KALRN: variants seen among roughly 807,000 people sequenced by gnomAD.
The protein encoded by KALRN is kalirin RhoGEF kinase.
Under a neutral mutation model 353.7 loss-of-function variants are expected in KALRN, and 70 were observed. That is an observed-to-expected ratio of 0.20 (90% CI 0.16 to 0.24). The LOEUF (loss-of-function observed/expected upper bound fraction) is 0.24, where lower values mean the gene tolerates loss of function less well. KALRN is among the 10% of genes least tolerant of loss of function. The probability of loss-of-function intolerance (pLI) is 1.00; values close to 1 mark genes in which losing one functional copy is unlikely to be tolerated. For synonymous variants in KALRN, 1,391 were observed against 1,434.8 expected (o/e 0.97, Z 0.69); for missense variants, 2,791 against 3,756.7 (o/e 0.74, Z 6.72).
rs2063377814 is a variant in KALRN at position 124,722,966 on chromosome 3, T to A, written c.*3496T>A. ...TAACTTTTAAGAAGTATTAATATAA[T>A]GATTTCCTACATCTTTTACATTTGT... On this transcript the variant is annotated 3_prime_UTR_variant, in exon 60 of 60. Transcript: ENST00000682506. 1 of 152,230 alleles carries A rather than the reference T, an allele frequency of 6.6e-6. No individual in the cohort carries two copies. Among genetic ancestry groups the A allele is most frequent in the Non-Finnish European group, 1.5e-5 (1 of 68,046 alleles). 9.4% of individuals were successfully genotyped at this position (152,230 alleles called of 1,614,324 possible). A position where few individuals can be genotyped will look rare whatever the true frequency, so the allele number is the denominator to read the frequency against.
intron 34 of KALRN, among the ~76,000 whole-genome samples, chr3:124,591,491 T>C (rs67474118): frequency 0.15 from 23,400 of 152,172 alleles, 1,939 homozygotes; most frequent in Middle Eastern, 0.19. Flanking sequence ...CTTTGAACAT[T>C]GCTTTTTGTG....
At chr3:124,715,502 G>C (rs2063095962) in intron 58 of KALRN, among the ~76,000 whole-genome samples, 1 of 152,200 alleles carries the variant, frequency 6.6e-6, no homozygotes, top group Non-Finnish European at 1.5e-5. Context: ...ATGACTCCAA[G>C]AAGTTCAGGG....
chr3:124,281,005 C>G (rs187791060), intron 5 of KALRN, among the ~76,000 whole-genome samples: 67 of 152,134 alleles, frequency 4.4e-4, no homozygotes, highest in Non-Finnish European at 7.9e-4. Context: ...ACATGTATAC[C>G]TATGTATCAA....
intron 1 of KALRN, among the ~76,000 whole-genome samples, chr3:124,075,870 A>T (rs780236635): frequency 2.0e-5 from 3 of 152,164 alleles, no homozygotes; most frequent in African/African-American, 4.8e-5. Context: ...GCAGATGCGG[A>T]GCTGAGCATG....
chr3:124,569,524 T>C (rs888234814), intron 34 of KALRN, among the ~76,000 whole-genome samples: 4 of 152,190 alleles, frequency 2.6e-5, no homozygotes, highest in Admixed American at 6.5e-5. Flanking sequence ...ATTTTCCTCA[T>C]CTTACAGATA....
intron 10 of KALRN, among the ~76,000 whole-genome samples, chr3:124,378,560 T>C (rs2086891050): frequency 6.6e-6 from 1 of 152,168 alleles, no homozygotes; most frequent in Non-Finnish European, 1.5e-5. Flanking sequence ...AGGACTTCTT[T>C]TAACATTTCT....
intron 3 of KALRN, among the ~76,000 whole-genome samples, chr3:124,253,900 G>A (rs2071527591): frequency 1.3e-5 from 2 of 152,190 alleles, no homozygotes; most frequent in Non-Finnish European, 2.9e-5. Flanking sequence ...CTGGAGTGGT[G>A]CTTGTTATGG....
chr3:124,412,586 G>T (rs187109647), intron 13 of KALRN, among the ~76,000 whole-genome samples: 1 of 152,186 alleles, frequency 6.6e-6, no homozygotes, highest in Admixed American at 6.5e-5. Flanking sequence ...GGAAGTGTAG[G>T]ATTTAGTCTC....
Position 124,632,436 on chromosome 3 carries a change from C to G in KALRN, c.5199C>G (p.Ser1733=), listed in dbSNP as rs763600599. The G allele has an allele frequency of 3.7e-6, 6 of 1,613,918 alleles. No homozygotes were observed. In the East Asian group the frequency reaches 1.3e-4, roughly 36 times the overall value. The change falls in exon 35 of 60, where the codon TCC becomes TCG. Residue 1733 remains serine (S), a synonymous_variant. Transcript: ENST00000682506. ...FPLVKDAYSH[S]SSENGGKSES... ...TTTCCTCAGATGCATACTCTCATTC[C>G]TCAAGCGAGAATGGAGGCAAGTCCG...
rs1003462469 is a variant in KALRN at position 124,286,564 on chromosome 3, T to C, written c.970-12227T>C. The stretch of plus-strand genomic sequence containing the variant: ...CTGCACCCTGCCCAGTGTGCTGTTT[T>C]CTATTGATTTGTTTTCAAGTTCATT... On this transcript the variant is annotated intron_variant, in intron 5 of 59. Transcript: ENST00000682506. 4.6e-5 allele frequency among the ~76,000 whole-genome samples: 7 copies of C among 152,186 alleles called. No individual in the cohort carries two copies. The East Asian group carries it at 1.3e-3, about 29-fold the overall frequency.
intron 59 of KALRN, among the ~76,000 whole-genome samples, 154 bp downstream of exon 59, chr3:124,717,539 C>CA (rs1014879793): frequency 1.7e-4 from 26 of 151,950 alleles, no homozygotes; most frequent in South Asian, 6.2e-4. Flanking sequence ...ACAAAAAATA[C>CA]AAAAAAATTA....
chr3:124,353,758 G>GAA (rs35205735), intron 10 of KALRN, among the ~76,000 whole-genome samples: 36 of 149,260 alleles, frequency 2.4e-4, no homozygotes, highest in Non-Finnish European at 2.1e-4. Context: ...TTAGGCAAAT[G>GAA]AAAAAAAAAA....
Position 124,430,770 on chromosome 3 carries a change from A to G in KALRN, c.2824A>G (p.Ile942Val), listed in dbSNP as rs2093234174. The change falls in exon 16 of 60, where the codon ATC becomes GTC. Residue 942 changes from isoleucine (I) to valine (V), a missense_variant. Ile to Val is a conservative substitution (Grantham distance 29). Around this residue, in one of 11 missense-constraint regions of KALRN, gnomAD observed 452 missense variants for 575.8 expected, o/e 0.78. Transcript: ENST00000682506. ...GGAGCACGAGCAGTTCCAACTGGCC[A>G]TCGAGGTAACACCCAAATCTGGCTG... ...QREHEQFQLA[I>V]ESLFHATSLQ... 2 of 1,613,848 alleles carry G rather than the reference A, an allele frequency of 1.2e-6. No homozygotes were observed. Among genetic ancestry groups the G allele is most frequent in the South Asian group, 1.1e-5 (1 of 91,036 alleles).
chr3:124,518,601 G>A (rs750816338), intron 33 of KALRN: 10 of 1,558,682 alleles, frequency 6.4e-6, no homozygotes, highest in Non-Finnish European at 7.8e-6. Context: ...TTGCTCAGAG[G>A]GCAACATGTT....
intron 34 of KALRN, among the ~76,000 whole-genome samples, chr3:124,603,950 G>A (rs952812739): frequency 1.3e-5 from 2 of 152,064 alleles, no homozygotes; most frequent in Non-Finnish European, 2.9e-5. Context: ...GTCATTCTCA[G>A]AGCCATCACT....
chr3:124,083,717 G>A (rs2060659002), intron 1 of KALRN, among the ~76,000 whole-genome samples: 1 of 152,186 alleles, frequency 6.6e-6, no homozygotes, highest in Non-Finnish European at 1.5e-5. Context: ...GAGCCTTAGT[G>A]GTGACAAAAC....
intron 34 of KALRN, among the ~76,000 whole-genome samples, chr3:124,611,436 CA>C (rs539410327): frequency 8.3e-4 from 126 of 152,150 alleles, no homozygotes; most frequent in African/African-American, 3.0e-3. Flanking sequence ...GTGTTTTGTC[CA>C]GAGACCAGAT....
rs332513 is a variant in KALRN, at chr3:124,720,280, T to A, written c.*810T>A. The A allele has an allele frequency of 0.25, 38,768 of 152,546 alleles. 6,686 individuals are homozygous for A. The highest frequency in any genetic ancestry group is 0.48 in the African/African-American group (20,031 of 41,486). 9.4% of individuals were successfully genotyped at this position (152,546 alleles called of 1,614,324 possible). A position where few individuals can be genotyped will look rare whatever the true frequency, so the allele number is the denominator to read the frequency against. Reference sequence around the variant, plus strand: ...CAAATTCACTGGCAGCTCAGAATTATTCTGGAAAGAAAGCCTGCCAGGAAA... The same window carrying A: ...CAAATTCACTGGCAGCTCAGAATTAATCTGGAAAGAAAGCCTGCCAGGAAA... On this transcript the variant is annotated 3_prime_UTR_variant, in exon 60 of 60. Coordinates refer to ENST00000682506, the MANE Select transcript of KALRN (RefSeq NM_001388419.1).
chr3:124,678,921 C>T (rs1008930163), intron 50 of KALRN, among the ~76,000 whole-genome samples: 7 of 152,114 alleles, frequency 4.6e-5, no homozygotes, highest in Non-Finnish European at 7.4e-5. Flanking sequence ...TCTTATTTAC[C>T]CCCATCTTGA....
Sources: allele counts gnomAD v4.1 joint callset (sites outside exome capture counted in the v4.1 genomes callset), GRCh38; gene constraint gnomAD v4.1.1; regional missense constraint gnomAD v4.1.1; transcripts MANE v1.5; gene names NCBI Gene and HGNC (gene_info 2026-07-23, HGNC 2026-07-21).